The following CCDC171 variants were observed in gnomAD, a reference collection of about 807,000 sequenced individuals.
CCDC171 encodes the protein coiled-coil domain-containing protein 171.
CCDC171 carries 177 observed loss-of-function variants against 168.2 expected under a neutral mutation model. That is an observed-to-expected ratio of 1.05 (90% CI 0.93 to 1.19). The LOEUF (loss-of-function observed/expected upper bound fraction) is 1.19, where lower values mean the gene tolerates loss of function less well. Among genes scored for constraint, CCDC171 ranks in the 50% most tolerant of loss-of-function variants. CCDC171 has a pLI of 0.00. For missense variants in CCDC171, 1,991 were observed against 1,539.0 expected (o/e 1.29, Z -4.91); for synonymous variants, 687 against 540.8 (o/e 1.27, Z -3.75).
intron 7 of CCDC171, among the ~76,000 whole-genome samples, chr9:15,654,355 G>A (rs897219074): frequency 3.0e-4 from 46 of 152,140 alleles, no homozygotes; most frequent in African/African-American, 8.7e-4. Context: ...ATATCCTGAA[G>A]CAGGATTACT....
chr9:15,575,255 C>T (rs150731967), intron 3 of CCDC171, among the ~76,000 whole-genome samples: 87 of 147,474 alleles, frequency 5.9e-4, no homozygotes, highest in African/African-American at 2.1e-3. Flanking sequence ...AGCCTGGTCT[C>T]GAACTCCTGG....
At chr9:15,984,440 A>ATATATATATATATGTTTATATGTATG (rs1329734637) in intron 3 of CCDC171, among the ~76,000 whole-genome samples, 2 of 43,152 alleles carry the variant, frequency 4.6e-5, no homozygotes, top group Non-Finnish European at 8.7e-5. Context: ...GTGTGTGTGT[A>ATATATATATATATGTTTATATGTATG]TATATATATA....
chr9:15,980,210 G>C (rs1831749014), intron 3 of CCDC171, among the ~76,000 whole-genome samples: 1 of 152,116 alleles, frequency 6.6e-6, no homozygotes, highest in Non-Finnish European at 1.5e-5. Flanking sequence ...TACCTTTGTA[G>C]AATCAAAAGG....
intron 23 of CCDC171, among the ~76,000 whole-genome samples, chr9:15,871,842 G>T (rs1466502283): frequency 6.6e-6 from 1 of 151,704 alleles, no homozygotes; most frequent in East Asian, 1.9e-4. Context: ...TTTGCTGCAT[G>T]ATTTTATTTT....
intron 10 of CCDC171, among the ~76,000 whole-genome samples, chr9:15,684,141 A>G (rs2050224288): frequency 6.6e-6 from 1 of 152,122 alleles, no homozygotes; most frequent in African/African-American, 2.4e-5. Context: ...TGAAAAGGTG[A>G]GCTGTGAGGG....
Position 15,721,825 on chromosome 9 carries a change from A to AGG in CCDC171, c.1376_1377dup (p.Arg460GlyfsTer4), listed in dbSNP as rs746876216. 45 of 1,566,612 alleles carry AGG rather than the reference A, an allele frequency of 2.9e-5. No individual in the cohort carries two copies. Among genetic ancestry groups the AGG allele is most frequent in the Non-Finnish European group, 3.9e-5 (45 of 1,155,386 alleles). ...CTTCTCTGTTGTCCTTGAGAGATTG[A>AGG]GGCGTACCTTGACAGATTACCAGAA... On this transcript the variant is annotated frameshift_variant, in exon 12 of 26. Transcript: ENST00000380701. LOFTEE classifies it high-confidence loss of function.
chr9:15,686,888 A>G (rs1278313093), intron 10 of CCDC171, among the ~76,000 whole-genome samples: 1 of 152,232 alleles, frequency 6.6e-6, no homozygotes, highest in Non-Finnish European at 1.5e-5. Flanking sequence ...AAGACTCAAC[A>G]GTACTGTAAA....
chr9:16,048,034 G>A (rs1027269337), intron 1 of CCDC171, among the ~76,000 whole-genome samples: 2 of 152,202 alleles, frequency 1.3e-5, no homozygotes, highest in African/African-American at 4.8e-5. Context: ...GCAGTGGCAA[G>A]TTGGCTCAAA....
chr9:16,008,041 C>G (rs1832757815), intron 3 of CCDC171, among the ~76,000 whole-genome samples: 1 of 152,054 alleles, frequency 6.6e-6, no homozygotes, highest in African/African-American at 2.4e-5. Flanking sequence ...CTTTTTACTT[C>G]TTTATAGTGT....
chr9:15,569,447 A>G (rs1318679008), intron 2 of CCDC171, among the ~76,000 whole-genome samples: 1 of 152,234 alleles, frequency 6.6e-6, no homozygotes, highest in Non-Finnish European at 1.5e-5. Flanking sequence ...ATTTAATGTT[A>G]TAAATTTATT....
intron 18 of CCDC171, among the ~76,000 whole-genome samples, chr9:15,773,619 AG>A (rs1399349352): frequency 6.6e-6 from 1 of 152,172 alleles, no homozygotes; most frequent in Non-Finnish European, 1.5e-5. Flanking sequence ...AGTCTAGACA[AG>A]TATACATGAG....
chr9:15,885,236 A>G (rs1819229357), intron 24 of CCDC171, among the ~76,000 whole-genome samples: 2 of 152,218 alleles, frequency 1.3e-5, no homozygotes, highest in Admixed American at 1.3e-4. Context: ...AACGTATCAA[A>G]GTACAGTACA....
intron 3 of CCDC171, among the ~76,000 whole-genome samples, chr9:15,983,817 AGTGTGTGTGT>A (rs58951910): frequency 1.2e-4 from 17 of 142,530 alleles, no homozygotes; most frequent in South Asian, 2.3e-4. Flanking sequence ...AAATAAAGAG[AGTGTGTGTGT>A]GTGTGTGTGT....
chr9:15,665,548 A>G (rs561697658), intron 8 of CCDC171, among the ~76,000 whole-genome samples: 1 of 152,320 alleles, frequency 6.6e-6, no homozygotes, highest in Admixed American at 6.5e-5. Flanking sequence ...TGGGAGGCTA[A>G]GGTGGGAGGA....
chr9:16,108,556 A>G, the CCDC171 span, among the ~76,000 whole-genome samples: 5 of 152,314 alleles, frequency 3.3e-5, no homozygotes, highest in East Asian at 9.6e-4. Flanking sequence ...TGGATTCTGA[A>G]GTGAGCAGAC....
At chr9:15,838,100 C>A (rs367691569) in intron 21 of CCDC171, among the ~76,000 whole-genome samples, 20 of 152,026 alleles carry the variant, frequency 1.3e-4, no homozygotes, top group African/African-American at 4.8e-4. Flanking sequence ...AATTCATATA[C>A]CTTGTAGGAT....
intron 21 of CCDC171, among the ~76,000 whole-genome samples, chr9:15,788,595 T>C (rs1221786962): frequency 6.6e-6 from 1 of 151,634 alleles, no homozygotes. Flanking sequence ...TTTGTTTTTT[T>C]TTTTTTAAAG....
intron 11 of CCDC171, among the ~76,000 whole-genome samples, chr9:15,719,442 G>GAA (rs1230402091): frequency 8.2e-6 from 1 of 122,124 alleles, no homozygotes; most frequent in South Asian, 2.8e-4. Context: ...GAGAGAGAGA[G>GAA]AGAGAAAGTT....
rs149042748 is a variant in CCDC171, at chr9:16,017,866, C to T, written n.369-2723C>T. ...TGAGATATAACTTTAAGAGCAGCAC[C>T]GCAGCACTGGGTCACAGAGAGAACT... On this transcript the variant is annotated intron_variant and non_coding_transcript_variant, in intron 3 of 9. Transcript: ENST00000486641. Among the ~76,000 whole-genome samples the T allele has an allele frequency of 1.1e-3, 171 of 152,222 alleles. No homozygotes were observed. In the South Asian group the frequency reaches 0.017, roughly 15 times the overall value.
Sources: gnomAD v4.1 joint callset for allele counts (sites outside exome capture counted in the v4.1 genomes callset) on GRCh38, gnomAD v4.1.1 for gene constraint, MANE v1.5 for transcripts, NCBI Gene and HGNC (gene_info 2026-07-23, HGNC 2026-07-21) for gene names.